The following RBFOX1 variants were observed in gnomAD, a reference collection of about 807,000 sequenced individuals.
RBFOX1 encodes RNA binding protein fox-1 homolog 1.
RBFOX1 carries 8 observed loss-of-function variants against 57.7 expected under a neutral mutation model. That is an observed-to-expected ratio of 0.14 (90% CI 0.08 to 0.25). RBFOX1 has a LOEUF of 0.25. RBFOX1 is among the 10% of genes least tolerant of loss of function. RBFOX1 has a pLI of 1.00. For synonymous variants in RBFOX1, 326 were observed against 222.4 expected (o/e 1.47, Z -4.15); for missense variants, 611 against 548.5 (o/e 1.11, Z -1.14).
At chr16:6,353,914 C>A (rs1032650162) in intron 2 of RBFOX1, among the ~76,000 whole-genome samples, 1 of 152,112 alleles carries the variant, frequency 6.6e-6, no homozygotes, top group Non-Finnish European at 1.5e-5. Flanking sequence ...TTCTTCCCAC[C>A]TTTAGTCTCC....
chr16:6,111,831 T>C (rs2096450084), intron 1 of RBFOX1, among the ~76,000 whole-genome samples: 1 of 152,224 alleles, frequency 6.6e-6, no homozygotes, highest in African/African-American at 2.4e-5. Context: ...CAGTACCATC[T>C]AAACTCTCTC....
intron 1 of RBFOX1, among the ~76,000 whole-genome samples, chr16:6,258,379 G>A (rs1042497160): frequency 1.3e-5 from 2 of 152,120 alleles, no homozygotes; most frequent in African/African-American, 4.8e-5. Context: ...AGTTCATTGT[G>A]TTTCTAAAAC....
At position 7,690,059 on chromosome 16, in the gene RBFOX1, A is replaced by G. The variant is rs147266024; in HGVS notation, c.995+13221A>G. Among the ~76,000 whole-genome samples the G allele has an allele frequency of 3.3e-5, 5 of 152,218 alleles. No homozygotes were observed. The East Asian group carries it at 9.7e-4, about 29-fold the overall frequency. ...TCAACTCCCTTGAATCCCTTCCTTG[A>G]ATCCACTTCCTTGAATCTCTTGAAT... On this transcript the variant is annotated intron_variant, in intron 14 of 15. Transcript: ENST00000550418.
At chr16:7,197,324 A>G (rs1443622439) in intron 4 of RBFOX1, among the ~76,000 whole-genome samples, 1 of 151,172 alleles carries the variant, frequency 6.6e-6, no homozygotes, top group Non-Finnish European at 1.5e-5. Context: ...CTTGCTATCG[A>G]TTTTAACTCC....
intron 9 of RBFOX1, among the ~76,000 whole-genome samples, chr16:7,605,168 T>TA (rs1568053091): frequency 6.6e-6 from 1 of 152,106 alleles, no homozygotes; most frequent in Non-Finnish European, 1.5e-5. Context: ...GACTTTTTTT[T>TA]AAAAAAAGGA....
In RBFOX1 at chr16:7,295,250, T is replaced by G. The variant is rs114985302; in HGVS notation, c.28-222897T>G. Among the ~76,000 whole-genome samples, 667 of 152,304 alleles carry G rather than the reference T, an allele frequency of 4.4e-3. 2 individuals carry two copies. Among genetic ancestry groups the G allele is most frequent in the African/African-American group, 0.015 (632 of 41,580 alleles). On this transcript the variant is annotated intron_variant, in intron 4 of 15. Transcript: ENST00000550418. The stretch of plus-strand genomic sequence containing the variant: ...GATGTGTATGATGTCTATACATTTT[T>G]GTATAGTGCCATGTCATTTAAAAAA...
chr16:6,837,238 C>T (rs565177900), intron 3 of RBFOX1, among the ~76,000 whole-genome samples: 1 of 152,200 alleles, frequency 6.6e-6, no homozygotes, highest in African/African-American at 2.4e-5. Flanking sequence ...TGTTTTAACA[C>T]TTGCATATTG....
chr16:7,304,304 A>G (rs940649456), intron 4 of RBFOX1: 2 of 985,130 alleles, frequency 2.0e-6, no homozygotes, highest in African/African-American at 1.7e-5. Flanking sequence ...AAAGAAAAAA[A>G]AAAATTGTAG....
intron 4 of RBFOX1, among the ~76,000 whole-genome samples, chr16:7,448,032 A>G (rs1351129118): frequency 6.6e-6 from 1 of 152,174 alleles, no homozygotes; most frequent in African/African-American, 2.4e-5. Flanking sequence ...TTTCTTCTGA[A>G]GCATGTGAAA....
chr16:5,408,888 G>C lies in RBFOX1; in HGVS notation c.220-58328G>C, dbSNP rs526032. Among the ~76,000 whole-genome samples, 782 of 152,342 alleles carry C rather than the reference G, an allele frequency of 5.1e-3. 12 individuals carry two copies. Among genetic ancestry groups the C allele is most frequent in the African/African-American group, 0.018 (756 of 41,578 alleles). On this transcript the variant is annotated intron_variant, in intron 1 of 2. Coordinates refer to the RBFOX1 transcript ENST00000585867. ...AGTCACGAAGACTGTTCCAAGAGGAGGGTGTTACACCATTCATGAGAAATC... is the reference window on the plus strand; with the variant it reads ...AGTCACGAAGACTGTTCCAAGAGGACGGTGTTACACCATTCATGAGAAATC...
chr16:6,799,390 C>G (rs1336295333), intron 3 of RBFOX1, among the ~76,000 whole-genome samples: 1 of 152,078 alleles, frequency 6.6e-6, no homozygotes, highest in Non-Finnish European at 1.5e-5. Context: ...ACTGCATTGA[C>G]TTTTGCATTA....
intron 3 of RBFOX1, among the ~76,000 whole-genome samples, chr16:5,740,889 G>A (rs923877848): frequency 1.3e-5 from 2 of 152,192 alleles, no homozygotes; most frequent in Non-Finnish European, 2.9e-5. Flanking sequence ...TGGTGGCAGG[G>A]AACGGAAGTC....
intron 12 of RBFOX1, among the ~76,000 whole-genome samples, chr16:7,662,298 C>G (rs2067965819): frequency 6.6e-6 from 1 of 152,158 alleles, no homozygotes; most frequent in African/African-American, 2.4e-5. Flanking sequence ...AGTCTCTTGC[C>G]CTGGTCTCCT....
At chr16:6,131,732 C>A (rs962477949) in intron 1 of RBFOX1, among the ~76,000 whole-genome samples, 2 of 152,190 alleles carry the variant, frequency 1.3e-5, no homozygotes, top group East Asian at 1.9e-4. Context: ...TTCCTCCCCA[C>A]TGGCCTTCCT....
intron 10 of RBFOX1, among the ~76,000 whole-genome samples, chr16:7,616,750 T>C (rs2058510863): frequency 6.6e-6 from 1 of 152,108 alleles, no homozygotes; most frequent in African/African-American, 2.4e-5. Context: ...CAGGCTGGTC[T>C]TGAACTCCTG....
rs191769396 is a variant in RBFOX1 at position 6,672,640 on chromosome 16, C to G, written c.-16+17990C>G. Among the ~76,000 whole-genome samples the G allele has an allele frequency of 3.3e-5, 5 of 152,134 alleles. No individual in the cohort carries two copies. In the East Asian group the frequency reaches 7.8e-4, roughly 24 times the overall value. On this transcript the variant is annotated intron_variant, in intron 3 of 15. Coordinates refer to ENST00000550418, the MANE Select transcript of RBFOX1 (RefSeq NM_018723.4). The stretch of plus-strand genomic sequence containing the variant: ...TACTGACTTCAGGTACACATGGATC[C>G]AGGTCCTGAAATGATTCCATAGGAA...
chr16:6,979,927 C>A (rs537543891), intron 3 of RBFOX1, among the ~76,000 whole-genome samples: 1 of 152,080 alleles, frequency 6.6e-6, no homozygotes, highest in Non-Finnish European at 1.5e-5. Flanking sequence ...GATGGAACTG[C>A]CAGTTTCTGA....
chr16:5,930,333 G>A (rs1006769920), intron 4 of RBFOX1, among the ~76,000 whole-genome samples: 2 of 139,700 alleles, frequency 1.4e-5, no homozygotes, highest in Admixed American at 1.4e-4. Context: ...ATGGATGGGA[G>A]GTGGGAAGGT....
At position 6,982,318 on chromosome 16, in the gene RBFOX1, A is replaced by C. The variant is rs148409194; in HGVS notation, c.-15-69739A>C. On this transcript the variant is annotated intron_variant, in intron 3 of 15. Transcript: ENST00000550418. The stretch of plus-strand genomic sequence containing the variant: ...ATTATTCCATTTTGATCTTTACAGA[A>C]ACCCATTCCCATTGTTGGCCAGCAT... 1.7e-3 allele frequency among the ~76,000 whole-genome samples: 255 copies of C among 152,322 alleles called. 1 individual carries two copies. The highest frequency in any genetic ancestry group is 0.01 in the Middle Eastern group (3 of 294).
Sources: gnomAD v4.1 joint callset for allele counts (sites outside exome capture counted in the v4.1 genomes callset) on GRCh38, gnomAD v4.1.1 for gene constraint, MANE v1.5 for transcripts, NCBI Gene and HGNC (gene_info 2026-07-23, HGNC 2026-07-21) for gene names.